SCAF11: variants seen among roughly 807,000 people sequenced by gnomAD.
The protein encoded by SCAF11 is SR-related CTD associated factor 11.
In SCAF11, 47 loss-of-function variants were observed where a neutral mutation model predicts 140.5. The observed-to-expected ratio is 0.33, with a 90% CI of 0.26 to 0.43. The LOEUF is 0.43. Ranked by LOEUF, SCAF11 falls within the 20% of genes least tolerant of loss-of-function variation. SCAF11 has a pLI of 1.00. For synonymous variants in SCAF11, 557 were observed against 579.4 expected (o/e 0.96, Z 0.55); for missense variants, 1,645 against 1,705.1 (o/e 0.96, Z 0.62).
chr12:45,927,541 C>A lies in SCAF11; in HGVS notation c.2160G>T (p.Glu720Asp). 6.2e-7 allele frequency: 1 copy of A among 1,613,596 alleles called. No individual in the cohort carries two copies. Among genetic ancestry groups the A allele is most frequent in the South Asian group, 1.1e-5 (1 of 91,056 alleles). ...TTTGGTCACTGCAAAATGAATCACA[C>A]TCCATAGGTATCATTTCATTGTTGT... ...SEDNNEMIPM[E>D]CDSFCSDQNE... The change falls in exon 11 of 15, where the codon GAG (glutamate) becomes GAT (aspartate). Residue 720 changes from glutamate to aspartate, a missense_variant. Glu to Asp is a conservative substitution (Grantham distance 45, BLOSUM62 2). Around this residue, in one of 2 missense-constraint regions of SCAF11, gnomAD observed 1,582 missense variants for 1,609.2 expected, o/e 0.98. Transcript: ENST00000369367.
chr12:45,928,031 T>C lies in SCAF11; in HGVS notation c.1670A>G (p.Glu557Gly). Residue 557 changes from glutamate to glycine, a missense_variant, in exon 11 of 15, where the codon GAA becomes GGA. By Grantham distance (98) the Glu-to-Gly change is moderately conservative (BLOSUM62 -2). Transcript: ENST00000369367. ...AGATACAGGTTGGTACACTTTGCTT[T>C]CAGATGTTAAACATGTAGGAAAATC... is the stretch of plus-strand genomic sequence containing the variant. ...PNDFPTCLTS[E>G]SKVYQPVSCP... is the part of the protein sequence containing the mutation. The C allele has an allele frequency of 6.2e-7, 1 of 1,613,496 alleles. No homozygotes were observed. The highest frequency in any genetic ancestry group is 8.5e-7 in the Non-Finnish European group (1 of 1,180,010).
intron 3 of SCAF11, among the ~76,000 whole-genome samples, chr12:45,953,578 T>C (rs925841315): frequency 2.6e-5 from 4 of 152,162 alleles, no homozygotes; most frequent in Non-Finnish European, 4.4e-5. Flanking sequence ...AAGTGTAATA[T>C]TTCTAGTGCT....
Position 45,961,775 on chromosome 12 carries a change from T to C in SCAF11, c.144A>G (p.Leu48=), listed in dbSNP as rs1185545741. 4 of 1,613,088 alleles carry C rather than the reference T, an allele frequency of 2.5e-6. No individual in the cohort carries two copies. The highest frequency in any genetic ancestry group is 3.4e-6 in the Non-Finnish European group (4 of 1,179,398). ...CTGGAAAACCAACTTCCTTTTCTAA[T>C]AGACAATTAAGACATATTGGGCATC... ...ADRCPICLNC[L]LEKEVGFPES... is the part of the protein sequence containing the mutation. The change falls in exon 3 of 15, where the codon CTA becomes CTG. Residue 48 remains leucine (L), a synonymous_variant. Transcript: ENST00000369367.
chr12:45,989,168 G>A (rs1326354710), intron 1 of SCAF11, among the ~76,000 whole-genome samples: 1 of 152,084 alleles, frequency 6.6e-6, no homozygotes, highest in African/African-American at 2.4e-5. Flanking sequence ...AAAACCAACC[G>A]TTATTTTAAA....
At chr12:45,933,278 G>C in intron 8 of SCAF11, 46 bp from the exon 9 acceptor site, 2 of 1,388,330 alleles carry the variant, frequency 1.4e-6, no homozygotes, top group Non-Finnish European at 2.0e-6. Context: ...ACAATTTTAG[G>C]TTCAAAAAAA....
At position 45,923,045 on chromosome 12, in the gene SCAF11, T is replaced by C. The variant is rs2136492163; in HGVS notation, c.4016A>G (p.Asn1339Ser). ...TGMVQGPSSG[N>S]TSSSSHSKAS... The stretch of plus-strand genomic sequence containing the variant: ...TTTGCTGTGACTTGATGACGAAGTA[T>C]TACCAGAACTTGGTCCCTGAACCAT... The change falls in exon 13 of 15, where the codon AAT becomes AGT. Residue 1339 changes from asparagine to serine, a missense_variant. Asn to Ser is a conservative substitution (Grantham distance 46). This residue lies in a region of SCAF11 where 1,582 missense variants were observed against 1,609.2 expected (regional missense o/e 0.98). Transcript: ENST00000369367. 1 of 1,614,164 alleles carries C rather than the reference T, an allele frequency of 6.2e-7. No individual in the cohort carries two copies.
At chr12:45,942,964 T>TGA (rs145032474) in intron 6 of SCAF11, among the ~76,000 whole-genome samples, 16,425 of 152,222 alleles carry the variant, frequency 0.11, 2,954 homozygotes, top group African/African-American at 0.37. Flanking sequence ...GTTAAATGTA[T>TGA]GAGTGATCTC....
At chr12:45,968,520 C>T (rs1437698126) in intron 1 of SCAF11, among the ~76,000 whole-genome samples, 1 of 151,658 alleles carries the variant, frequency 6.6e-6, no homozygotes, top group East Asian at 1.9e-4. Flanking sequence ...GGTATTAAAG[C>T]TTGGAATTTA....
intron 6 of SCAF11, among the ~76,000 whole-genome samples, chr12:45,938,264 C>T (rs994184630): frequency 1.3e-5 from 2 of 152,028 alleles, no homozygotes; most frequent in South Asian, 2.1e-4. Context: ...CCGAGGTTGG[C>T]GGATCACCTG....
Position 45,922,178 on chromosome 12 carries a change from C to A in SCAF11, c.4262G>T (p.Ser1421Ile). ...CACTTTAGTAGAATTTACTTCTCCA[C>A]TCTTACTATGACAAACCTAAGAAAA... ...KAVDKVCHSK[S>I]GEVNSTKVAN... The change falls in exon 15 of 15, where the codon AGT (serine) becomes ATT (isoleucine). Residue 1421 changes from serine to isoleucine, a missense_variant. Around this residue, in one of 2 missense-constraint regions of SCAF11, gnomAD observed 63 missense variants for 95.9 expected, o/e 0.66. Coordinates refer to ENST00000369367, the MANE Select transcript of SCAF11 (RefSeq NM_004719.3). The A allele has an allele frequency of 6.2e-7, 1 of 1,610,212 alleles. No individual in the cohort carries two copies. Among genetic ancestry groups the A allele is most frequent in the Non-Finnish European group, 8.5e-7 (1 of 1,179,046 alleles).
chr12:45,943,339 C>T (rs1482154667), intron 6 of SCAF11, among the ~76,000 whole-genome samples: 2 of 152,084 alleles, frequency 1.3e-5, no homozygotes, highest in Non-Finnish European at 2.9e-5. Context: ...TTAAATTGTA[C>T]ACCATTCTGA....
intron 1 of SCAF11, among the ~76,000 whole-genome samples, chr12:45,988,100 T>C (rs1343214262): frequency 1.3e-5 from 2 of 152,146 alleles, no homozygotes; most frequent in African/African-American, 4.8e-5. Context: ...AGGTGCAAGG[T>C]TATTAACTTA....
intron 12 of SCAF11, among the ~76,000 whole-genome samples, chr12:45,923,873 CAG>C (rs768650109): frequency 6.6e-6 from 1 of 151,544 alleles, no homozygotes; most frequent in South Asian, 2.1e-4. Flanking sequence ...TTTTTCTAGA[CAG>C]AGTCTTGCTC....
At chr12:45,950,134 A>C (rs1945515867) in intron 4 of SCAF11, among the ~76,000 whole-genome samples, 1 of 152,174 alleles carries the variant, frequency 6.6e-6, no homozygotes, top group Non-Finnish European at 1.5e-5. Flanking sequence ...CGCAGAAAAC[A>C]AACCATGGAA....
At position 45,925,035 on chromosome 12, in the gene SCAF11, C is replaced by T; in HGVS notation, c.3599G>A (p.Gly1200Asp). Residue 1200 changes from glycine to aspartate, a missense_variant, in exon 12 of 15, where the codon GGT becomes GAT. Gly to Asp is a moderately conservative substitution (Grantham distance 94). Around this residue, in one of 2 missense-constraint regions of SCAF11, gnomAD observed 1,582 missense variants for 1,609.2 expected, o/e 0.98. Coordinates refer to ENST00000369367, the MANE Select transcript of SCAF11 (RefSeq NM_004719.3). The part of the protein sequence containing the change: ...LKDQTNQQVD[G>D]SQLPINMMQP... ...CATCATATTTATAGGTAGCTGAGAA[C>T]CATCAACTTGCTGGTTTGTTTGGTC... 6.2e-7 allele frequency: 1 copy of T among 1,613,504 alleles called. No individual in the cohort carries two copies. The highest frequency in any genetic ancestry group is 1.1e-5 in the South Asian group (1 of 91,082).
intron 1 of SCAF11, among the ~76,000 whole-genome samples, chr12:45,979,196 T>C (rs1313519309): frequency 2.1e-5 from 3 of 143,370 alleles, no homozygotes; most frequent in South Asian, 5.1e-4. Flanking sequence ...ATTCCATCCA[T>C]GAGGGCAGAG....
chr12:45,926,221 G>A lies in SCAF11; in HGVS notation c.3480C>T (p.Asn1160=), dbSNP rs983611440. Residue 1160 remains asparagine (N), a synonymous_variant, in exon 11 of 15, where the codon AAC becomes AAT. Coordinates refer to ENST00000369367, the MANE Select transcript of SCAF11 (RefSeq NM_004719.3). The part of the protein sequence containing the change: ...VRKTLPADVQ[N]YYSRRGRNSS... ...AATTTCTGCCTCGTCGTGAGTAGTA[G>A]TTTTGTACATCTGCTGGCAAAGTCT... 5.0e-6 allele frequency: 8 copies of A among 1,614,040 alleles called. No homozygotes were observed. The African/African-American group carries it at 5.3e-5, about 11-fold the overall frequency.
At chr12:45,939,651 T>C (rs747101824) in intron 6 of SCAF11, among the ~76,000 whole-genome samples, 2 of 152,108 alleles carry the variant, frequency 1.3e-5, no homozygotes, top group Non-Finnish European at 2.9e-5. Context: ...TGAGCCGAGA[T>C]CGTGCCATTG....
Position 45,928,107 on chromosome 12 carries a change from G to C in SCAF11, c.1594C>G (p.Leu532Val), listed in dbSNP as rs150090658. Residue 532 changes from leucine (L) to valine (V), a missense_variant, in exon 11 of 15, where the codon CTT (leucine) becomes GTT (valine). By Grantham distance (32) the Leu-to-Val change is conservative (BLOSUM62 1). Coordinates refer to ENST00000369367, the MANE Select transcript of SCAF11 (RefSeq NM_004719.3). ...TCTGTCTTTACCTCTGATTGTGAAA[G>C]TCCAGATATCTGGTCTTGCTTTTCC... ...PLEKQDQISGLSQSEVKTDVC... is the reference protein window; with the variant it reads ...PLEKQDQISGVSQSEVKTDVC... 1 of 1,613,824 alleles carries C rather than the reference G, an allele frequency of 6.2e-7. No homozygotes were observed. Among genetic ancestry groups the C allele is most frequent in the Non-Finnish European group, 8.5e-7 (1 of 1,179,994 alleles).
Sources: gnomAD v4.1 joint callset for allele counts (sites outside exome capture counted in the v4.1 genomes callset) on GRCh38, gnomAD v4.1.1 for gene constraint, gnomAD v4.1.1 regional missense constraint, MANE v1.5 for transcripts, NCBI Gene and HGNC (gene_info 2026-07-23, HGNC 2026-07-21) for gene names.